CEP89: variants seen among roughly 807,000 people sequenced by gnomAD.
CEP89 encodes the protein centrosomal protein 89.
A neutral mutation model predicts 97.6 loss-of-function variants in CEP89; 95 were observed. The ratio of observed to expected loss-of-function variants is 0.97; its 90% CI spans 0.82 to 1.15. The LOEUF (loss-of-function observed/expected upper bound fraction) is 1.15. CEP89 is among the 50% of genes most tolerant of loss of function. CEP89 has a pLI of 0.00. For synonymous variants in CEP89, 354 were observed against 349.1 expected, an observed-to-expected ratio of 1.01 and a Z score of -0.16; for missense variants, 869 against 947.7, an observed-to-expected ratio of 0.92 and a Z score of 1.09.
At chr19:32,962,900 T>C (rs1026338926) in intron 2 of CEP89, among the ~76,000 whole-genome samples, 3 of 152,126 alleles carry the variant, frequency 2.0e-5, no homozygotes, top group African/African-American at 7.2e-5. Context: ...CCAACGGCCT[T>C]CCCAAGATGG....
intron 16 of CEP89, among the ~76,000 whole-genome samples, chr19:32,888,906 C>A (rs8101291): frequency 2.0e-5 from 3 of 152,012 alleles, no homozygotes; most frequent in African/African-American, 7.2e-5. Flanking sequence ...ACCTCCTGGG[C>A]TCAAGAGATT....
rs1299019208 is a variant in CEP89, at chr19:32,915,413, A to C, written c.1489T>G (p.Cys497Gly). Residue 497 changes from cysteine (C) to glycine (G), a missense_variant, in exon 14 of 19, where the codon TGC becomes GGC. Transcript: ENST00000305768. ...TCCGAGTGTGTTTTGAGTTCTTGGC[A>C]TTTGGCACGTAAAATCTCCAGCTGT... The part of the protein sequence containing the change: ...REQLEILRAK[C>G]QELKTHSDGK... The C allele has an allele frequency of 6.2e-7, 1 of 1,613,628 alleles. No individual in the cohort carries two copies.
At chr19:32,920,983 C>T (rs953622107) in intron 12 of CEP89, among the ~76,000 whole-genome samples, 8 of 151,534 alleles carry the variant, frequency 5.3e-5, no homozygotes, top group Admixed American at 3.3e-4. Context: ...TTTGGGAGGC[C>T]GAGGCGGGCA....
rs1264936759 is a variant in CEP89 at position 32,966,957 on chromosome 19, A to G, written c.40-491T>C. ...ACTCCCGCTTCAGCCACACGAGTAG[A>G]CGGGACTACAGATGTTCACCACCAT... On this transcript the variant is annotated intron_variant, in intron 1 of 18. Coordinates refer to ENST00000305768, the MANE Select transcript of CEP89 (RefSeq NM_032816.5). Among the ~76,000 whole-genome samples, 7 of 152,120 alleles carry G rather than the reference A, an allele frequency of 4.6e-5. No individual in the cohort carries two copies. In the East Asian group the frequency reaches 1.3e-3, roughly 29 times the overall value.
At chr19:32,944,757 A>G (rs1201829827) in intron 5 of CEP89, among the ~76,000 whole-genome samples, 2 of 152,246 alleles carry the variant, frequency 1.3e-5, no homozygotes, top group African/African-American at 4.8e-5. Context: ...GCTCTGACCA[A>G]CGGTACAAGG....
intron 5 of CEP89, among the ~76,000 whole-genome samples, chr19:32,943,032 C>A (rs970613371): frequency 6.6e-6 from 1 of 151,918 alleles, no homozygotes; most frequent in African/African-American, 2.4e-5. Flanking sequence ...GATGATCTTC[C>A]TGCCTCAGCC....
intron 7 of CEP89, 35 bp downstream of exon 7, chr19:32,937,593 AAGC>A: frequency 6.9e-7 from 1 of 1,439,108 alleles, no homozygotes; most frequent in Non-Finnish European, 9.8e-7. Flanking sequence ...TCTCCAAAAC[AAGC>A]TTTTCAATCA....
intron 3 of CEP89, among the ~76,000 whole-genome samples, chr19:32,957,478 G>T (rs1198738074): frequency 1.3e-5 from 2 of 151,962 alleles, no homozygotes; most frequent in African/African-American, 4.8e-5. Flanking sequence ...TCCAGCCTGG[G>T]TAATATCAGG....
rs1241854554 is a variant in CEP89 at position 32,923,453 on chromosome 19, A to G, written c.1254T>C (p.Val418=). 1.9e-6 allele frequency: 3 copies of G among 1,594,570 alleles called. No homozygotes were observed. The African/African-American group carries it at 4.0e-5, about 21-fold the overall frequency. The change falls in exon 12 of 19, where the codon GTT becomes GTC. Residue 418 remains valine, a synonymous_variant. Transcript: ENST00000305768. ...LHQELNKSSA[V]TSEEWRQLQT... ...ATGCCACTTGCCATTCCTCACTGGT[A>G]ACAGCACTACTCTTATTTAACTCTT... is the stretch of plus-strand genomic sequence containing the variant.
At position 32,964,072 on chromosome 19, in the gene CEP89, T is replaced by C. The variant is rs147435501; in HGVS notation, c.146+2288A>G. Among the ~76,000 whole-genome samples the C allele has an allele frequency of 3.7e-3, 562 of 151,952 alleles. 3 individuals are homozygous for C. Among genetic ancestry groups the C allele is most frequent in the African/African-American group, 0.013 (526 of 41,446 alleles). On this transcript the variant is annotated intron_variant, in intron 2 of 18. Coordinates refer to ENST00000305768, the MANE Select transcript of CEP89 (RefSeq NM_032816.5). ...TAAATGGGACAATGACCTTGGAAAA[T>C]AGTTTGACAGTTCCTTAATAAATTA...
chr19:32,902,932 TAA>T (rs1389215199), intron 14 of CEP89, among the ~76,000 whole-genome samples: 1 of 152,174 alleles, frequency 6.6e-6, no homozygotes, highest in African/African-American at 2.4e-5. Context: ...GGCCTTATAA[TAA>T]AAGAGATATT....
intron 2 of CEP89, among the ~76,000 whole-genome samples, chr19:32,961,015 C>A (rs1971156168): frequency 6.6e-6 from 1 of 152,092 alleles, no homozygotes; most frequent in African/African-American, 2.4e-5. Context: ...GCAGAAGGTC[C>A]CCTAGTTTCA....
intron 1 of CEP89, among the ~76,000 whole-genome samples, chr19:32,968,314 T>A (rs935879723): frequency 3.3e-5 from 5 of 152,236 alleles, no homozygotes; most frequent in Non-Finnish European, 5.9e-5. Flanking sequence ...GGTGGCACGA[T>A]CTTGGCTCAC....
intron 10 of CEP89, 105 bp downstream of exon 10, chr19:32,926,829 T>A: frequency 1.1e-6 from 1 of 944,132 alleles, no homozygotes; most frequent in Non-Finnish European, 1.7e-6. Flanking sequence ...TCCAAAGTGC[T>A]GGGATTACAG....
At chr19:32,910,670 A>T (rs565442092) in intron 14 of CEP89, among the ~76,000 whole-genome samples, 53 of 99,128 alleles carry the variant, frequency 5.3e-4, no homozygotes, top group Middle Eastern at 0.01. Flanking sequence ...TTTCTATTAA[A>T]TTTTTTTTAA....
Position 32,914,468 on chromosome 19 carries a change from C to T in CEP89, c.1565+869G>A, listed in dbSNP as rs1045089634. On this transcript the variant is annotated intron_variant, in intron 14 of 18. Coordinates refer to ENST00000305768, the MANE Select transcript of CEP89 (RefSeq NM_032816.5). ...ATTTTTTTTGGTAGACATGCAGTTT[C>T]GCCATGTTGCCCAGGCTGGTCTCAA... Among the ~76,000 whole-genome samples, 7 of 151,716 alleles carry T rather than the reference C, an allele frequency of 4.6e-5. No individual in the cohort carries two copies. The East Asian group carries it at 1.2e-3, about 26-fold the overall frequency.
At chr19:32,971,192 A>AT (rs1395655958) in intron 1 of CEP89, 7 of 268,802 alleles carry the variant, frequency 2.6e-5, no homozygotes, top group Non-Finnish European at 2.8e-5. Context: ...CAGCTGGCAG[A>AT]TGTATGTAGT....
At chr19:32,964,138 C>G (rs185276640) in intron 2 of CEP89, among the ~76,000 whole-genome samples, 5 of 151,796 alleles carry the variant, frequency 3.3e-5, no homozygotes, top group Admixed American at 1.3e-4. Context: ...GATATTTACC[C>G]GAGAAATGAA....
chr19:32,939,906 G>C, intron 5 of CEP89, 21 bp from the exon 6 acceptor site: 2 of 1,199,236 alleles, frequency 1.7e-6, no homozygotes. Context: ...AAAAGAGAGA[G>C]AGATAAACTT....
Sources: allele counts gnomAD v4.1 joint callset (sites outside exome capture counted in the v4.1 genomes callset), GRCh38; gene constraint gnomAD v4.1.1; transcripts MANE v1.5; gene names NCBI Gene and HGNC (gene_info 2026-07-23, HGNC 2026-07-21).